Variants in HHAT observed in about 807,000 individuals in gnomAD.
HHAT encodes the protein protein-cysteine N-palmitoyltransferase HHAT.
A neutral mutation model predicts 70.8 loss-of-function variants in HHAT; 47 were observed. The observed-to-expected ratio is 0.66, with a 90% CI of 0.53 to 0.85. The LOEUF is 0.85. Among genes scored for constraint, HHAT ranks in the 40% least tolerant of loss-of-function variants. The pLI, the probability that HHAT is intolerant of heterozygous loss-of-function variation, is 0.00. For missense variants in HHAT, 609 were observed against 604.8 expected (o/e 1.01, Z -0.07); for synonymous variants, 228 against 247.6 (o/e 0.92, Z 0.74).
At chr1:210,509,312 C>T (rs1411153240) in intron 8 of HHAT, among the ~76,000 whole-genome samples, 1 of 152,136 alleles carries the variant, frequency 6.6e-6, no homozygotes, top group Non-Finnish European at 1.5e-5. Context: ...CTCATTGGTG[C>T]TCAAAAAGTT....
chr1:210,656,774 G>A (rs1288081304), intron 11 of HHAT, among the ~76,000 whole-genome samples: 2 of 152,126 alleles, frequency 1.3e-5, no homozygotes, highest in African/African-American at 2.4e-5. Flanking sequence ...TAGCAGAGAG[G>A]GCCCCCAGAC....
At chr1:210,330,572 A>G (rs2084899949) in intron 1 of HHAT, among the ~76,000 whole-genome samples, 1 of 152,036 alleles carries the variant, frequency 6.6e-6, no homozygotes, top group Admixed American at 6.5e-5. Flanking sequence ...AATTCTTTGG[A>G]GGGAGCAGCC....
chr1:210,571,353 T>C (rs1465849149), intron 9 of HHAT, among the ~76,000 whole-genome samples: 1 of 152,194 alleles, frequency 6.6e-6, no homozygotes, highest in Non-Finnish European at 1.5e-5. Flanking sequence ...TCTTTGTTCT[T>C]TGGCTCCATG....
At chr1:210,522,837 A>G (rs1219110107) in intron 9 of HHAT, among the ~76,000 whole-genome samples, 1 of 150,904 alleles carries the variant, frequency 6.6e-6, no homozygotes, top group Non-Finnish European at 1.5e-5. Flanking sequence ...CTCTCTTTCT[A>G]CCCATAACTT....
At chr1:210,347,301 T>C (rs2086610011) in intron 1 of HHAT, among the ~76,000 whole-genome samples, 1 of 152,244 alleles carries the variant, frequency 6.6e-6, no homozygotes, top group Non-Finnish European at 1.5e-5. Context: ...TCATCACATT[T>C]GTCATCTATA....
rs143700139 is a variant in HHAT, at chr1:210,464,606, G to A, written c.958G>A (p.Ala320Thr). The A allele has an allele frequency of 6.8e-6, 11 of 1,614,056 alleles. No individual in the cohort carries two copies. The highest frequency in any genetic ancestry group is 1.1e-5 in the South Asian group (1 of 91,074). Residue 320 changes from alanine (A) to threonine (T), a missense_variant, in exon 8 of 12, where the codon GCC becomes ACC. Transcript: ENST00000261458. ...LMRLDGLTPP[A>T]LPRCVSTMFS... ...GCGCCTGGATGGACTCACTCCACCCGCCCTCCCCCGCTGCGTGAGCACCAT... is the reference window on the plus strand; with the variant it reads ...GCGCCTGGATGGACTCACTCCACCCACCCTCCCCCGCTGCGTGAGCACCAT...
chr1:210,356,602 GT>G (rs1286869295), intron 2 of HHAT, among the ~76,000 whole-genome samples: 1 of 152,038 alleles, frequency 6.6e-6, no homozygotes, highest in Non-Finnish European at 1.5e-5. Context: ...TCTACCTTTT[GT>G]TTATTTCTTT....
At chr1:210,519,971 C>G (rs1002185098) in intron 9 of HHAT, among the ~76,000 whole-genome samples, 1 of 151,858 alleles carries the variant, frequency 6.6e-6, no homozygotes, top group Non-Finnish European at 1.5e-5. Flanking sequence ...GTATATCTTC[C>G]TTTGAGAAAT....
chr1:210,654,957 G>A (rs1676070370), intron 11 of HHAT, among the ~76,000 whole-genome samples: 1 of 152,192 alleles, frequency 6.6e-6, no homozygotes, highest in South Asian at 2.1e-4. Context: ...ACCCTTGTAG[G>A]CACTACCCCA....
chr1:210,673,479 T>A (rs577832836), intron 11 of HHAT, among the ~76,000 whole-genome samples: 6 of 152,150 alleles, frequency 3.9e-5, no homozygotes, highest in Non-Finnish European at 8.8e-5. Flanking sequence ...GTACAGATTT[T>A]GGAACATGAC....
intron 6 of HHAT, among the ~76,000 whole-genome samples, chr1:210,410,719 T>G (rs535485949): frequency 6.6e-6 from 1 of 151,766 alleles, no homozygotes; most frequent in African/African-American, 2.4e-5. Flanking sequence ...AGAGACAGGG[T>G]TTGACCCTGT....
chr1:210,611,221 T>C (rs1666509466), intron 10 of HHAT, among the ~76,000 whole-genome samples: 1 of 152,192 alleles, frequency 6.6e-6, no homozygotes, highest in Non-Finnish European at 1.5e-5. Flanking sequence ...AAGAGGTCCT[T>C]CACTTCCCTT....
intron 10 of HHAT, among the ~76,000 whole-genome samples, chr1:210,613,750 G>T (rs4366376): frequency 0.36 from 54,001 of 152,020 alleles, 10,951 homozygotes; most frequent in South Asian, 0.51. Flanking sequence ...GGGTGCAGTG[G>T]CTCATGCCTA....
chr1:210,551,327 G>T (rs2095526166), intron 9 of HHAT, among the ~76,000 whole-genome samples: 1 of 149,064 alleles, frequency 6.7e-6, no homozygotes, highest in African/African-American at 2.5e-5. Flanking sequence ...GAACTGGAAG[G>T]TGGGGACCAG....
At chr1:210,540,589 T>TAA (rs1318826440) in intron 9 of HHAT, among the ~76,000 whole-genome samples, 1 of 151,598 alleles carries the variant, frequency 6.6e-6, no homozygotes, top group Non-Finnish European at 1.5e-5. Flanking sequence ...TATATATATA[T>TAA]AGAAAACACA....
intron 9 of HHAT, among the ~76,000 whole-genome samples, chr1:210,554,834 C>A (rs1573281238): frequency 6.6e-6 from 1 of 152,220 alleles, no homozygotes; most frequent in African/African-American, 2.4e-5. Flanking sequence ...GCAATCTGCC[C>A]TCAGACCATT....
intron 7 of HHAT, among the ~76,000 whole-genome samples, chr1:210,445,544 A>C (rs2093618065): frequency 2.0e-5 from 3 of 152,192 alleles, no homozygotes; most frequent in Non-Finnish European, 4.4e-5. Context: ...GCCTCATTAT[A>C]AATAAGGCTT....
At chr1:210,425,670 T>G (rs919106330) in intron 7 of HHAT, among the ~76,000 whole-genome samples, 1 of 152,158 alleles carries the variant, frequency 6.6e-6, no homozygotes, top group Non-Finnish European at 1.5e-5. Flanking sequence ...GCCTTATTTC[T>G]GGGTTCTCTA....
chr1:210,382,649 G>A (rs1295952290), intron 3 of HHAT, among the ~76,000 whole-genome samples: 2 of 152,176 alleles, frequency 1.3e-5, no homozygotes, highest in East Asian at 1.9e-4. Context: ...TGACGGAGAA[G>A]GGAGTGCAAT....
Sources: allele counts gnomAD v4.1 joint callset (sites outside exome capture counted in the v4.1 genomes callset), GRCh38; gene constraint gnomAD v4.1.1; transcripts MANE v1.5; gene names NCBI Gene and HGNC (gene_info 2026-07-23, HGNC 2026-07-21).